Variants in PXDN observed in about 807,000 individuals in gnomAD.
PXDN encodes the protein peroxidasin homolog.
PXDN carries 77 observed loss-of-function variants against 140.3 expected under a neutral mutation model. The observed-to-expected ratio is 0.55, with a 90% confidence interval of 0.46 to 0.66. The LOEUF (loss-of-function observed/expected upper bound fraction) is 0.66, where lower values mean the gene tolerates loss of function less well. Among genes scored for constraint, PXDN ranks in the 30% least tolerant of loss-of-function variants. The pLI is 0.00. For missense variants in PXDN, 1,838 were observed against 2,039.5 expected (o/e 0.90, Z 1.90); for synonymous variants, 911 against 857.4 (o/e 1.06, Z -1.09).
At chr2:1,680,123 T>TGTGTGTGTGGATG in intron 7 of PXDN, 70 bp downstream of exon 7, 3 of 1,431,690 alleles carry the variant, frequency 2.1e-6, no homozygotes, top group Non-Finnish European at 9.4e-7. Flanking sequence ...GTGTAGATGG[T>TGTGTGTGTGGATG]GTGTGTGTGG....
chr2:1,740,014 C>T (rs951719209), intron 1 of PXDN, among the ~76,000 whole-genome samples: 55 of 152,358 alleles, frequency 3.6e-4, no homozygotes, highest in African/African-American at 1.3e-3. Flanking sequence ...CCGCATAGGG[C>T]GGAGAGGCCC....
At chr2:1,739,656 G>A (rs1685495838) in intron 1 of PXDN, among the ~76,000 whole-genome samples, 1 of 152,100 alleles carries the variant, frequency 6.6e-6, no homozygotes, top group African/African-American at 2.4e-5. Context: ...GGACATCCCA[G>A]GAAAGGTCCC....
intron 17 of PXDN, chr2:1,646,033 G>A (rs1682843443): frequency 1.3e-5 from 2 of 152,384 alleles, no homozygotes; most frequent in East Asian, 1.9e-4. Flanking sequence ...CCAGGCCAAC[G>A]CCACGCCATC....
chr2:1,744,163 C>G, intron 1 of PXDN, 93 bp downstream of exon 1: 1 of 1,249,884 alleles, frequency 8.0e-7, no homozygotes, highest in Non-Finnish European at 1.0e-6. Context: ...GCCCCCTCCA[C>G]CCTCCGCGCC....
chr2:1,657,804 C>A (rs1683182082), intron 14 of PXDN, among the ~76,000 whole-genome samples: 1 of 143,060 alleles, frequency 7.0e-6, no homozygotes, highest in East Asian at 2.0e-4. Flanking sequence ...TGTCTGGAAC[C>A]TGTCCCCACC....
chr2:1,697,247 C>A (rs886530843), intron 1 of PXDN, among the ~76,000 whole-genome samples: 9 of 152,150 alleles, frequency 5.9e-5, no homozygotes, highest in African/African-American at 2.2e-4. Context: ...TTTAAGTGTG[C>A]GTGTGAGGAG....
intron 4 of PXDN, among the ~76,000 whole-genome samples, chr2:1,686,773 A>T (rs954297594): frequency 2.0e-5 from 3 of 152,308 alleles, no homozygotes; most frequent in African/African-American, 7.2e-5. Context: ...ACAATCCCAG[A>T]GTGGTCTCCC....
rs755013679 is a variant in PXDN, at chr2:1,639,402, A to T, written c.3973T>A (p.Phe1325Ile). The T allele has an allele frequency of 1.9e-6, 3 of 1,613,976 alleles. No homozygotes were observed. Among genetic ancestry groups the T allele is most frequent in the Non-Finnish European group, 2.5e-6 (3 of 1,179,880 alleles). Residue 1325 changes from phenylalanine (F) to isoleucine (I), a missense_variant, in exon 20 of 23, where the codon TTC (phenylalanine) becomes ATC (isoleucine). By Grantham distance (21) the Phe-to-Ile change is conservative. Around this residue, in one of 5 missense-constraint regions of PXDN, gnomAD observed 850 missense variants for 894.1 expected, o/e 0.95. Transcript: ENST00000252804. The surrounding 1 kb of genome is among the most constrained non-coding windows in gnomAD (Gnocchi z 5.0). Reference sequence around the variant, plus strand: ...CGGAAATGATAGGAAAAGGCATTGAACTGCCCCCTGGTCCTACAGTCTAAA... The same window carrying T: ...CGGAAATGATAGGAAAAGGCATTGATCTGCCCCCTGGTCCTACAGTCTAAA... The part of the protein sequence containing the change: ...CCEDCRTRGQ[F>I]NAFSYHFRGR...
chr2:1,726,063 C>T lies in PXDN; in HGVS notation c.200+18193G>A, dbSNP rs577725673. 3.1e-3 allele frequency among the ~76,000 whole-genome samples: 472 copies of T among 151,882 alleles called. 3 individuals carry two copies. The highest frequency in any genetic ancestry group is 0.011 in the African/African-American group (442 of 41,374). ...GAACTAGAAATACCATTTGACCCAG[C>T]CATCCCATTACTGGGTATATACCCA... On this transcript the variant is annotated intron_variant, in intron 1 of 22. Coordinates refer to ENST00000252804, the MANE Select transcript of PXDN (RefSeq NM_012293.3).
chr2:1,710,776 A>G (rs1220425402), intron 1 of PXDN, among the ~76,000 whole-genome samples: 2 of 15,046 alleles, frequency 1.3e-4, no homozygotes, highest in Non-Finnish European at 2.3e-4. Context: ...ACCAGCACCC[A>G]CTCTCCACCA....
chr2:1,706,328 G>A (rs1394216702), intron 1 of PXDN, among the ~76,000 whole-genome samples: 2 of 152,216 alleles, frequency 1.3e-5, no homozygotes, highest in East Asian at 1.9e-4. Context: ...CAGGGAGCAA[G>A]TGCAGTAACA....
intron 19 of PXDN, among the ~76,000 whole-genome samples, chr2:1,642,777 C>T (rs1682758384): frequency 6.6e-6 from 1 of 152,250 alleles, no homozygotes; most frequent in Admixed American, 6.5e-5. Context: ...GACGCCTCTG[C>T]AGGGAAGACG....
At chr2:1,655,195 T>A (rs563348420) in intron 14 of PXDN, among the ~76,000 whole-genome samples, 1 of 136,362 alleles carries the variant, frequency 7.3e-6, no homozygotes, top group East Asian at 2.2e-4. Flanking sequence ...TACACACATG[T>A]CACATTATAC....
chr2:1,645,002 A>G (rs1255506357), intron 17 of PXDN, among the ~76,000 whole-genome samples: 1 of 152,208 alleles, frequency 6.6e-6, no homozygotes, highest in Non-Finnish European at 1.5e-5. Context: ...TAGAAAAGCC[A>G]AGAAAAGATA....
chr2:1,739,883 G>T (rs540890912), intron 1 of PXDN, among the ~76,000 whole-genome samples: 1 of 152,222 alleles, frequency 6.6e-6, no homozygotes, highest in African/African-American at 2.4e-5. Flanking sequence ...ATGTATTTGC[G>T]TGGCAATAAT....
intron 1 of PXDN, among the ~76,000 whole-genome samples, chr2:1,697,287 G>A (rs576087251): frequency 9.2e-5 from 14 of 152,270 alleles, no homozygotes; most frequent in African/African-American, 2.6e-4. Flanking sequence ...ACACACAGGC[G>A]AACTCATAAA....
chr2:1,711,329 G>A (rs111162157), intron 1 of PXDN, among the ~76,000 whole-genome samples: 28 of 16,606 alleles, frequency 1.7e-3, no homozygotes, highest in Admixed American at 3.8e-3. Flanking sequence ...ACCAGCACCC[G>A]CTCCACCAGC....
intron 1 of PXDN, among the ~76,000 whole-genome samples, chr2:1,743,698 GAAGGGGAGGAGGAGGAGGAA>G (rs1558536424): frequency 3.6e-5 from 2 of 55,834 alleles, no homozygotes; most frequent in African/African-American, 2.3e-4. Flanking sequence ...GGAGGAGGAG[GAAGGGGAGGAGGAGGAGGAA>G]GGGGAGGAGG....
At position 1,648,591 on chromosome 2, in the gene PXDN, G is replaced by A. The variant is rs369787558; in HGVS notation, c.3189C>T (p.Asn1063=). 8.4e-5 allele frequency: 136 copies of A among 1,613,700 alleles called. No individual in the cohort carries two copies. In the Middle Eastern group the frequency reaches 4.5e-3, roughly 53 times the overall value. The change falls in exon 17 of 23, where the codon AAC becomes AAT. Residue 1063 remains asparagine, a synonymous_variant. Transcript: ENST00000252804. The surrounding 1 kb of genome is among the most constrained non-coding windows in gnomAD (Gnocchi z 8.9). ...YDPGINAGIF[N]AFATAAFRFG... ...ACCTGAAGGCCGCGGTGGCGAAGGC[G>A]TTGAAGATGCCAGCATTGATGCCGG...
Sources: gnomAD v4.1 joint callset for allele counts (sites outside exome capture counted in the v4.1 genomes callset) on GRCh38, gnomAD v4.1.1 for gene constraint, gnomAD v4.1.1 regional missense constraint, Gnocchi (gnomAD v3.1) non-coding constraint, MANE v1.5 for transcripts, NCBI Gene and HGNC (gene_info 2026-07-23, HGNC 2026-07-21) for gene names.